CELF1: variants seen among roughly 807,000 people sequenced by gnomAD.
CELF1 encodes the protein 50 kDa nuclear polyadenylated RNA-binding protein.
Under a neutral mutation model 61.8 loss-of-function variants are expected in CELF1, and 10 were observed. That is an observed-to-expected ratio of 0.16 (90% CI 0.10 to 0.27). CELF1 has a LOEUF of 0.27. CELF1 is among the 10% of genes least tolerant of loss of function. The pLI is 1.00. For synonymous variants in CELF1, 236 were observed against 225.1 expected (o/e 1.05, Z -0.43); for missense variants, 380 against 639.1 (o/e 0.59, Z 4.37).
rs547374423 is a variant in CELF1 at position 47,561,010 on chromosome 11, C to T, written c.-11+3341G>A. 1.4e-4 allele frequency among the ~76,000 whole-genome samples: 21 copies of T among 150,870 alleles called. No individual in the cohort carries two copies. The South Asian group carries it at 3.4e-3, about 24-fold the overall frequency. On this transcript the variant is annotated intron_variant, in intron 2 of 3. Transcript: ENST00000525841. ...AAAATTAGCCGGGCGTGGTGGTGGG[C>T]GCCTGTAGTCCCAGCTACTTGAGAG...
intron 1 of CELF1, among the ~76,000 whole-genome samples, chr11:47,535,776 T>C (rs1197188523): frequency 1.3e-5 from 2 of 151,908 alleles, no homozygotes; most frequent in East Asian, 3.9e-4. Flanking sequence ...TTTTGTTTTT[T>C]TCTTGAGATA....
At chr11:47,531,366 G>A (rs981161579) in intron 1 of CELF1, among the ~76,000 whole-genome samples, 1 of 152,242 alleles carries the variant, frequency 6.6e-6, no homozygotes, top group African/African-American at 2.4e-5. Flanking sequence ...TTACAAGATA[G>A]AGACCATCCT....
At chr11:47,552,966 C>A in intron 1 of CELF1, 26 bp downstream of exon 1, 1 of 397,896 alleles carries the variant, frequency 2.5e-6, no homozygotes, top group Non-Finnish European at 4.4e-6. Context: ...TCCCGCGGCC[C>A]GTTATCCTGC....
At chr11:47,532,677 C>T (rs1343313805) in intron 1 of CELF1, among the ~76,000 whole-genome samples, 2 of 152,122 alleles carry the variant, frequency 1.3e-5, no homozygotes, top group Non-Finnish European at 2.9e-5. Context: ...GTAAGGCATT[C>T]CATGTCCCTC....
intron 1 of CELF1, chr11:47,523,419 A>G (rs762155927): frequency 6.6e-6 from 1 of 152,276 alleles, no homozygotes; most frequent in Non-Finnish European, 1.5e-5. Context: ...ATAATGCCAC[A>G]CTCAAAAGAA....
chr11:47,543,412 A>G (rs2096858776), intron 1 of CELF1, among the ~76,000 whole-genome samples: 1 of 152,156 alleles, frequency 6.6e-6, no homozygotes, highest in Admixed American at 6.5e-5. Flanking sequence ...TCGGAAAACA[A>G]CAGCCCAAAA....
intron 1 of CELF1, among the ~76,000 whole-genome samples, chr11:47,547,088 A>AAAAAAAAAAAAAG (rs2096978124): frequency 6.7e-6 from 1 of 149,526 alleles, no homozygotes; most frequent in African/African-American, 2.5e-5. Flanking sequence ...AAAAAAAAAA[A>AAAAAAAAAAAAAG]AAAAAGAAAG....
At chr11:47,541,263 A>T (rs2096766316) in intron 1 of CELF1, among the ~76,000 whole-genome samples, 1 of 148,356 alleles carries the variant, frequency 6.7e-6, no homozygotes. Flanking sequence ...CACCAATATC[A>T]TACATATTCA....
chr11:47,532,057 G>C (rs997449915), intron 1 of CELF1, among the ~76,000 whole-genome samples: 4 of 151,100 alleles, frequency 2.6e-5, no homozygotes, highest in African/African-American at 9.7e-5. Context: ...TTGAGACAGA[G>C]TCTCGCTCTG....
chr11:47,542,134 C>T (rs965279745), intron 1 of CELF1, among the ~76,000 whole-genome samples: 2 of 152,130 alleles, frequency 1.3e-5, no homozygotes, highest in Admixed American at 6.6e-5. Context: ...CTTCGGGAGG[C>T]CGAGGCAGGT....
At chr11:47,551,211 T>G (rs1434558525) in intron 1 of CELF1, among the ~76,000 whole-genome samples, 1 of 152,152 alleles carries the variant, frequency 6.6e-6, no homozygotes, top group African/African-American at 2.4e-5. Context: ...AACCCTGGGT[T>G]TTCTTTAAAG....
At chr11:47,552,199 G>T (rs1325423371) in intron 1 of CELF1, among the ~76,000 whole-genome samples, 5 of 152,138 alleles carry the variant, frequency 3.3e-5, no homozygotes, top group Non-Finnish European at 7.3e-5. Context: ...ACAGATTCCA[G>T]TCAAAATCTT....
intron 5 of CELF1, 50 bp from the exon 6 acceptor site, chr11:47,486,848 A>T (rs1252660111): frequency 7.5e-7 from 1 of 1,337,386 alleles, no homozygotes; most frequent in African/African-American, 1.4e-5. Flanking sequence ...GATGGTATTC[A>T]AAAATACATA....
intron 12 of CELF1, 62 bp downstream of exon 12, chr11:47,476,784 A>G: frequency 7.8e-7 from 1 of 1,282,596 alleles, no homozygotes; most frequent in East Asian, 2.3e-5. Flanking sequence ...TGCCCCTACC[A>G]GGGTTAAGAT....
At chr11:47,558,770 GTATATATAATA>G (rs1317349063) in intron 2 of CELF1, among the ~76,000 whole-genome samples, 39 of 107,824 alleles carry the variant, frequency 3.6e-4, no homozygotes, top group African/African-American at 1.3e-3. Context: ...ATATATAATT[GTATATATAATA>G]TATATATAAT....
intron 1 of CELF1, among the ~76,000 whole-genome samples, chr11:47,518,457 G>C (rs1020048698): frequency 6.6e-5 from 10 of 152,200 alleles, no homozygotes; most frequent in African/African-American, 2.2e-4. Flanking sequence ...TATAAATACA[G>C]CTTTTGGCTT....
chr11:47,485,031 A>T (rs1193711181), intron 6 of CELF1, among the ~76,000 whole-genome samples: 1 of 152,242 alleles, frequency 6.6e-6, no homozygotes, highest in East Asian at 1.9e-4. Context: ...AGAAGCATTT[A>T]GATGAAATAT....
intron 1 of CELF1, among the ~76,000 whole-genome samples, chr11:47,542,686 C>CA (rs1024981192): frequency 2.0e-5 from 3 of 152,036 alleles, no homozygotes; most frequent in Non-Finnish European, 4.4e-5. Flanking sequence ...TCAGTAGAGA[C>CA]AGTGTTTCAC....
intron 3 of CELF1, among the ~76,000 whole-genome samples, chr11:47,497,958 CT>C (rs1230976096): frequency 6.6e-6 from 1 of 152,156 alleles, no homozygotes; most frequent in Non-Finnish European, 1.5e-5. Context: ...GAGCAACAGC[CT>C]TGTTTCTAAG....
Sources: allele counts gnomAD v4.1 joint callset (sites outside exome capture counted in the v4.1 genomes callset), GRCh38; gene constraint gnomAD v4.1.1; transcripts MANE v1.5; gene names NCBI Gene and HGNC (gene_info 2026-07-23, HGNC 2026-07-21).